LAMA2: variants seen among roughly 807,000 people sequenced by gnomAD.
LAMA2 encodes laminin subunit alpha-2.
LAMA2 carries 269 observed loss-of-function variants against 364.8 expected under a neutral mutation model. The observed-to-expected ratio is 0.74, with a 90% CI of 0.67 to 0.82. The LOEUF is 0.82. LAMA2 is among the 40% of genes least tolerant of loss of function. LAMA2 has a pLI of 0.00. For synonymous variants in LAMA2, 1,379 were observed against 1,370.6 expected, an observed-to-expected ratio of 1.01 and a Z score of -0.14; for missense variants, 3,807 against 3,873.2, an observed-to-expected ratio of 0.98 and a Z score of 0.45.
chr6:128,900,499 T>C (rs180876554), intron 1 of LAMA2, among the ~76,000 whole-genome samples: 16 of 152,274 alleles, frequency 1.1e-4, no homozygotes, highest in East Asian at 7.7e-4. Flanking sequence ...CTTACAGTTA[T>C]TGAAAAAACT....
At position 129,354,124 on chromosome 6, in the gene LAMA2, A is replaced by G. The variant is rs1777022479; in HGVS notation, c.4717+767A>G. ...TTTAGCACCTTTTATTTCAACATTT[A>G]CCTATTGTAATAGTATTTGTGCATG... On this transcript the variant is annotated intron_variant, in intron 32 of 64. Coordinates refer to ENST00000421865, the MANE Select transcript of LAMA2 (RefSeq NM_000426.4). 5.3e-5 allele frequency among the ~76,000 whole-genome samples: 8 copies of G among 152,248 alleles called. No homozygotes were observed. The South Asian group carries it at 1.7e-3, about 32-fold the overall frequency.
chr6:129,114,786 A>T (rs1198421516), intron 4 of LAMA2, among the ~76,000 whole-genome samples: 1 of 152,042 alleles, frequency 6.6e-6, no homozygotes, highest in Non-Finnish European at 1.5e-5. Flanking sequence ...TACATCACAT[A>T]AACATATATG....
At chr6:129,475,225 A>G (rs1784009152) in intron 52 of LAMA2, among the ~76,000 whole-genome samples, 165 bp from the exon 53 acceptor site, 1 of 151,796 alleles carries the variant, frequency 6.6e-6, no homozygotes, top group South Asian at 2.1e-4. Flanking sequence ...GTATAAGTCT[A>G]TTTTTAGTTC....
At chr6:129,138,322 TA>T (rs922305073) in intron 4 of LAMA2, among the ~76,000 whole-genome samples, 4 of 152,012 alleles carry the variant, frequency 2.6e-5, no homozygotes, top group African/African-American at 9.7e-5. Context: ...TTAATAAAAA[TA>T]ACCCTAAAAA....
At chr6:129,369,768 T>A (rs145681228) in intron 33 of LAMA2, 124 bp from the exon 34 acceptor site, 6 of 808,056 alleles carry the variant, frequency 7.4e-6, no homozygotes, top group Non-Finnish European at 1.3e-5. Context: ...TTGAAATAGT[T>A]TCCTTATCTT....
Position 129,438,743 on chromosome 6 carries a change from G to T in LAMA2, c.6066G>T (p.Lys2022Asn). 2 of 1,574,458 alleles carry T rather than the reference G, an allele frequency of 1.3e-6. No homozygotes were observed. Among genetic ancestry groups the T allele is most frequent in the Non-Finnish European group, 1.7e-6 (2 of 1,144,312 alleles). ...GAACTTTGAATGACACTTTGGGAAAGTTATCAGCTATTCCAAATGGTAAGC... is the reference window on the plus strand; with the variant it reads ...GAACTTTGAATGACACTTTGGGAAATTTATCAGCTATTCCAAATGGTAAGC... Reference protein sequence around the residue: ...LLRTLNDTLGKLSAIPNDTAA... With the variant: ...LLRTLNDTLGNLSAIPNDTAA... Residue 2022 changes from lysine to asparagine, a missense_variant, in exon 42 of 65, where the codon AAG becomes AAT. By Grantham distance (94) the Lys-to-Asn change is moderately conservative. Coordinates refer to ENST00000421865, the MANE Select transcript of LAMA2 (RefSeq NM_000426.4).
At position 129,280,101 on chromosome 6, in the gene LAMA2, A is replaced by G. The variant is rs1375452967; in HGVS notation, c.2491A>G (p.Ile831Val). The change falls in exon 18 of 65, where the codon ATC becomes GTC. Residue 831 changes from isoleucine (I) to valine (V), a missense_variant. Coordinates refer to ENST00000421865, the MANE Select transcript of LAMA2 (RefSeq NM_000426.4). ...TCHLDRSLGLICDGCPVGYTG... is the reference protein window; with the variant it reads ...TCHLDRSLGLVCDGCPVGYTG... ...CCATTTAGACCGGAGTCTTGGATTG[A>G]TCTGTGATGGATGCCCTGTCGGGTA... 6.2e-7 allele frequency: 1 copy of G among 1,613,520 alleles called. No homozygotes were observed. Among genetic ancestry groups the G allele is most frequent in the African/African-American group, 1.3e-5 (1 of 74,990 alleles).
rs118116924 is a variant in LAMA2 at position 129,099,892 on chromosome 6, G to A, written c.639+1477G>A. ...GTCAAACAGCTGTTCAACCTGCTTT[G>A]TGCCTAGAGGCATCCAATTCCTGGC... On this transcript the variant is annotated intron_variant, in intron 4 of 64. Transcript: ENST00000421865. Among the ~76,000 whole-genome samples, 374 of 152,314 alleles carry A rather than the reference G, an allele frequency of 2.5e-3. 3 individuals carry two copies. The highest frequency in any genetic ancestry group is 4.4e-3 in the Non-Finnish European group (302 of 68,030).
intron 12 of LAMA2, among the ~76,000 whole-genome samples, chr6:129,221,249 G>T (rs1783820381): frequency 6.8e-6 from 1 of 147,998 alleles, no homozygotes; most frequent in African/African-American, 2.5e-5. Context: ...TAATTATTAA[G>T]CCAAGATTTC....
chr6:128,930,048 C>CG, intron 1 of LAMA2: 1 of 404,016 alleles, frequency 2.5e-6, no homozygotes, highest in Admixed American at 4.3e-5. Context: ...CCGTGGCGCC[C>CG]GCAGCCCTGC....
At chr6:128,990,116 A>T (rs1206801620) in intron 1 of LAMA2, among the ~76,000 whole-genome samples, 1 of 152,252 alleles carries the variant, frequency 6.6e-6, no homozygotes, top group Non-Finnish European at 1.5e-5. Context: ...AGAAAACTGT[A>T]GAACTAGCCA....
At position 129,050,030 on chromosome 6, in the gene LAMA2, G is replaced by T. The variant is rs1433457019; in HGVS notation, c.225G>T (p.Gly75=). Residue 75 remains glycine, a synonymous_variant, in exon 2 of 65, where the codon GGG becomes GGT. Coordinates refer to ENST00000421865, the MANE Select transcript of LAMA2 (RefSeq NM_000426.4). ...MYCKLVEHVP[G]QPVRNPQCRI... is the part of the protein sequence containing the mutation. ...GCAAATTGGTAGAACATGTCCCTGG[G>T]CAGCCTGTGAGGAACCCGCAGTGTC... 13 of 1,614,106 alleles carry T rather than the reference G, an allele frequency of 8.1e-6. No individual in the cohort carries two copies. Among genetic ancestry groups the T allele is most frequent in the African/African-American group, 1.3e-5 (1 of 75,016 alleles).
chr6:129,429,029 C>G (rs554145607), intron 41 of LAMA2, among the ~76,000 whole-genome samples: 1 of 152,268 alleles, frequency 6.6e-6, no homozygotes, highest in Admixed American at 6.5e-5. Context: ...CTATTCCAAG[C>G]CTTCATGTTT....
At chr6:129,204,130 C>T (rs1052172149) in intron 12 of LAMA2, among the ~76,000 whole-genome samples, 7 of 152,086 alleles carry the variant, frequency 4.6e-5, no homozygotes, top group East Asian at 3.8e-4. Context: ...TTAGCAAGTA[C>T]GTAGATTATA....
At chr6:128,899,625 T>C (rs917166996) in intron 1 of LAMA2, among the ~76,000 whole-genome samples, 5 of 152,218 alleles carry the variant, frequency 3.3e-5, no homozygotes, top group African/African-American at 7.2e-5. Context: ...GATCCTTTTA[T>C]AGTATGAATG....
rs372010935 is a variant in LAMA2, at chr6:129,492,309, T to C, written c.8076-6T>C. ...TAAAAAAATCTTATTTATTACATTCTATTAGCCCCATGGACTTTGCAAGGC... is the reference window on the plus strand; with the variant it reads ...TAAAAAAATCTTATTTATTACATTCCATTAGCCCCATGGACTTTGCAAGGC... On this transcript the variant is annotated splice_region_variant and splice_polypyrimidine_tract_variant and intron_variant, in intron 57 of 64. Transcript: ENST00000421865. The C allele has an allele frequency of 6.8e-6, 11 of 1,613,380 alleles. No individual in the cohort carries two copies. Among genetic ancestry groups the C allele is most frequent in the South Asian group, 1.1e-5 (1 of 91,068 alleles).
At chr6:129,162,208 G>A (rs1308587860) in intron 8 of LAMA2, among the ~76,000 whole-genome samples, 2 of 152,094 alleles carry the variant, frequency 1.3e-5, no homozygotes, top group Non-Finnish European at 2.9e-5. Flanking sequence ...GTGTGAGATG[G>A]TAGTATTTTA....
At chr6:128,921,164 G>A (rs1337957666) in intron 1 of LAMA2, among the ~76,000 whole-genome samples, 1 of 151,964 alleles carries the variant, frequency 6.6e-6, no homozygotes, top group Non-Finnish European at 1.5e-5. Context: ...AGTAAGTATT[G>A]GACTAAGATT....
At chr6:129,320,274 A>G (rs1187287417) in intron 27 of LAMA2, among the ~76,000 whole-genome samples, 1 of 152,192 alleles carries the variant, frequency 6.6e-6, no homozygotes, top group African/African-American at 2.4e-5. Flanking sequence ...AGGAGGAGGA[A>G]GAAGAGGAGG....
Sources: allele counts gnomAD v4.1 joint callset (sites outside exome capture counted in the v4.1 genomes callset), GRCh38; gene constraint gnomAD v4.1.1; transcripts MANE v1.5; gene names NCBI Gene and HGNC (gene_info 2026-07-23, HGNC 2026-07-21).